SNX29: variants seen among roughly 807,000 people sequenced by gnomAD.
The protein encoded by SNX29 is sorting nexin 29, also known as sorting nexin-29.
In SNX29, 78 loss-of-function variants were observed where a neutral mutation model predicts 102.1. That is an observed-to-expected ratio of 0.76 (90% CI 0.64 to 0.92). The LOEUF is 0.92. SNX29 is among the 40% of genes least tolerant of loss of function. The pLI is 0.00. For synonymous variants in SNX29, 580 were observed against 414.5 expected (o/e 1.40, Z -4.85); for missense variants, 1,280 against 1,061.7 (o/e 1.21, Z -2.86).
chr16:12,039,924 A>AC (rs1567553772), intron 4 of SNX29, among the ~76,000 whole-genome samples: 5 of 152,338 alleles, frequency 3.3e-5, no homozygotes, highest in African/African-American at 1.2e-4. Context: ...GTTTACTGCA[A>AC]TAGCTGGTGC....
chr16:12,237,726 G>A (rs1380712007), intron 14 of SNX29, among the ~76,000 whole-genome samples: 2 of 152,050 alleles, frequency 1.3e-5, no homozygotes, highest in Admixed American at 1.3e-4. Context: ...GGGCAACTTG[G>A]TGAAACCCCC....
At chr16:12,231,725 C>T (rs2077776782) in intron 14 of SNX29, among the ~76,000 whole-genome samples, 1 of 152,234 alleles carries the variant, frequency 6.6e-6, no homozygotes, top group East Asian at 1.9e-4. Context: ...TATTGCTCCC[C>T]AGGATTGTGG....
At chr16:12,348,965 G>A (rs1039485853) in intron 15 of SNX29, among the ~76,000 whole-genome samples, 2 of 152,158 alleles carry the variant, frequency 1.3e-5, no homozygotes, top group African/African-American at 4.8e-5. Flanking sequence ...TCGCCCCTCT[G>A]GGAAGACAGC....
chr16:12,534,367 T>C (rs1174670401), intron 20 of SNX29, among the ~76,000 whole-genome samples: 2 of 152,232 alleles, frequency 1.3e-5, no homozygotes, highest in African/African-American at 4.8e-5. Flanking sequence ...CCTGCACCTC[T>C]CACACCTTCT....
intron 11 of SNX29, among the ~76,000 whole-genome samples, chr16:12,117,833 C>T (rs1567222180): frequency 6.6e-6 from 1 of 152,150 alleles, no homozygotes; most frequent in Non-Finnish European, 1.5e-5. Flanking sequence ...CGGTGGCTCA[C>T]AGCTGTAATC....
intron 20 of SNX29, chr16:12,560,737 A>G (rs1465565): frequency 1 from 168,781 of 169,074 alleles, 84,252 homozygotes; most frequent in Middle Eastern, 1. Context: ...ATCAAAACCA[A>G]CCTCTGCTCC....
At chr16:12,541,618 C>A (rs142180703) in intron 20 of SNX29, among the ~76,000 whole-genome samples, 158 of 152,318 alleles carry the variant, frequency 1.0e-3, no homozygotes, top group African/African-American at 3.7e-3. Context: ...GGCCACATCT[C>A]TGTCGGGGTC....
intron 3 of SNX29, among the ~76,000 whole-genome samples, chr16:12,022,110 T>A (rs1181112430): frequency 5.8e-5 from 8 of 138,452 alleles, no homozygotes; most frequent in South Asian, 2.2e-4. Context: ...TTTTTTTTTT[T>A]AAACAGCTTT....
At chr16:12,487,030 C>G (rs1293818052) in intron 19 of SNX29, among the ~76,000 whole-genome samples, 2 of 152,166 alleles carry the variant, frequency 1.3e-5, no homozygotes, top group Admixed American at 1.3e-4. Context: ...ATCTGTGTGG[C>G]CTCGGGCACG....
chr16:12,296,666 TCTC>T (rs34791933), intron 15 of SNX29, among the ~76,000 whole-genome samples: 86,532 of 151,892 alleles, frequency 0.57, 25,163 homozygotes, highest in East Asian at 0.76. Flanking sequence ...TGCAGGTACT[TCTC>T]CTACTTAGTG....
chr16:12,300,090 T>C (rs2080116484), intron 15 of SNX29, among the ~76,000 whole-genome samples: 1 of 152,226 alleles, frequency 6.6e-6, no homozygotes, highest in African/African-American at 2.4e-5. Context: ...CAGGCTCGTC[T>C]TGAACTCCTG....
intron 3 of SNX29, among the ~76,000 whole-genome samples, chr16:12,013,501 ATATATATAT>A (rs1316514732): frequency 0.065 from 2,669 of 40,846 alleles, 420 homozygotes; most frequent in African/African-American, 0.14. Flanking sequence ...AAAAAAAAAA[ATATATATAT>A]ATATATATAT....
intron 13 of SNX29, among the ~76,000 whole-genome samples, chr16:12,185,553 C>T (rs1392884993): frequency 2.6e-5 from 4 of 152,104 alleles, no homozygotes; most frequent in African/African-American, 9.7e-5. Context: ...GGTGATGGTC[C>T]CCCTCCTTCA....
At chr16:12,542,811 TA>T (rs2077402716) in intron 20 of SNX29, among the ~76,000 whole-genome samples, 1 of 152,008 alleles carries the variant, frequency 6.6e-6, no homozygotes, top group East Asian at 1.9e-4. Flanking sequence ...TAAGTGAAGT[TA>T]AAGCATCCTG....
At chr16:12,119,390 A>G (rs898457702) in intron 11 of SNX29, among the ~76,000 whole-genome samples, 1 of 152,224 alleles carries the variant, frequency 6.6e-6, no homozygotes, top group Non-Finnish European at 1.5e-5. Context: ...AAACCAAAAA[A>G]TTACAAATCT....
chr16:12,410,538 C>G (rs1440588372), intron 18 of SNX29, among the ~76,000 whole-genome samples: 2 of 152,070 alleles, frequency 1.3e-5, no homozygotes, highest in Non-Finnish European at 2.9e-5. Flanking sequence ...CCTTGAATTT[C>G]CAGGTCAAGC....
chr16:12,545,216 G>C (rs1053631812), intron 20 of SNX29, among the ~76,000 whole-genome samples: 1 of 152,214 alleles, frequency 6.6e-6, no homozygotes, highest in Non-Finnish European at 1.5e-5. Context: ...GGTGGGGCAG[G>C]CAATGACAGG....
intron 19 of SNX29, among the ~76,000 whole-genome samples, chr16:12,512,439 G>T (rs1209775455): frequency 1.7e-5 from 2 of 114,908 alleles, no homozygotes; most frequent in Admixed American, 9.7e-5. Flanking sequence ...TTTGAGACAG[G>T]GTCTCCCTCT....
intron 19 of SNX29, among the ~76,000 whole-genome samples, chr16:12,483,610 TG>T (rs928107104): frequency 1.3e-5 from 2 of 152,184 alleles, no homozygotes; most frequent in African/African-American, 4.8e-5. Context: ...CCACCACATC[TG>T]GCCCATTAAC....
Sources: gnomAD v4.1 joint callset for allele counts (sites outside exome capture counted in the v4.1 genomes callset) on GRCh38, gnomAD v4.1.1 for gene constraint, MANE v1.5 for transcripts, NCBI Gene and HGNC (gene_info 2026-07-23, HGNC 2026-07-21) for gene names.